Variants in SCAPER observed in about 807,000 individuals in gnomAD.
SCAPER encodes the protein S-phase cyclin A associated protein in the ER, also known as S phase cyclin A-associated protein in the endoplasmic reticulum.
Under a neutral mutation model 182.2 loss-of-function variants are expected in SCAPER, and 98 were observed. The observed-to-expected ratio is 0.54, with a 90% CI of 0.46 to 0.64. SCAPER has a LOEUF of 0.64. Ranked by LOEUF, SCAPER falls within the 30% of genes least tolerant of loss-of-function variation. The pLI is 0.00. For missense variants in SCAPER, 1,432 were observed against 1,690.0 expected, an observed-to-expected ratio of 0.85 and a Z score of 2.68; for synonymous variants, 605 against 564.6, an observed-to-expected ratio of 1.07 and a Z score of -1.01.
intron 3 of SCAPER, among the ~76,000 whole-genome samples, chr15:76,861,407 T>G (rs1398815714): frequency 4.6e-5 from 7 of 152,150 alleles, no homozygotes; most frequent in Admixed American, 2.0e-4. Context: ...TCTATAGAAT[T>G]CCTACTAAAA....
At chr15:76,697,074 G>A (rs2147200842) in intron 20 of SCAPER, among the ~76,000 whole-genome samples, 1 of 152,234 alleles carries the variant, frequency 6.6e-6, no homozygotes, top group Non-Finnish European at 1.5e-5. Flanking sequence ...TATTAGGTCA[G>A]AGGTAATATA....
At chr15:76,822,481 T>C (rs1485997812) in intron 5 of SCAPER, among the ~76,000 whole-genome samples, 1 of 152,240 alleles carries the variant, frequency 6.6e-6, no homozygotes, top group Non-Finnish European at 1.5e-5. Flanking sequence ...AATCATATGA[T>C]GGGTTATCTG....
chr15:76,732,536 G>A (rs1200420557), intron 16 of SCAPER, among the ~76,000 whole-genome samples: 3 of 151,982 alleles, frequency 2.0e-5, no homozygotes, highest in Non-Finnish European at 2.9e-5. Context: ...TAGTGGTAAC[G>A]CCAGCGTCTG....
At chr15:76,576,276 A>G (rs1486455853) in intron 22 of SCAPER, among the ~76,000 whole-genome samples, 1 of 152,174 alleles carries the variant, frequency 6.6e-6, no homozygotes, top group Non-Finnish European at 1.5e-5. Flanking sequence ...AGGTGCGAGG[A>G]CTGCTTAAGC....
chr15:76,468,012 C>CT (rs1428491962), intron 25 of SCAPER, among the ~76,000 whole-genome samples: 1 of 152,114 alleles, frequency 6.6e-6, no homozygotes, highest in Non-Finnish European at 1.5e-5. Context: ...TTCTTTTATG[C>CT]TTTTTTCTAT....
At position 76,711,187 on chromosome 15, in the gene SCAPER, A is replaced by T. The variant is rs551850197; in HGVS notation, c.2166-5203T>A. On this transcript the variant is annotated intron_variant, in intron 17 of 31. Transcript: ENST00000563290. ...TGAAAACCATTGTATATAAAATGAA[A>T]ATTTGATATACTGGACATCATCAAA... Among the ~76,000 whole-genome samples, 52 of 152,310 alleles carry T rather than the reference A, an allele frequency of 3.4e-4. No homozygotes were observed. In the South Asian group the frequency reaches 4.1e-3, roughly 12 times the overall value.
chr15:76,724,720 G>A (rs1287833847), intron 17 of SCAPER, among the ~76,000 whole-genome samples: 1 of 152,038 alleles, frequency 6.6e-6, no homozygotes, highest in African/African-American at 2.4e-5. Flanking sequence ...GATCACATTA[G>A]TTACTGAGTC....
chr15:76,734,241 A>G (rs2061103275), intron 15 of SCAPER, among the ~76,000 whole-genome samples: 3 of 152,234 alleles, frequency 2.0e-5, no homozygotes, highest in Admixed American at 2.0e-4. Context: ...GCTAGAAAGT[A>G]CAGATATTAT....
intron 24 of SCAPER, among the ~76,000 whole-genome samples, chr15:76,473,799 TTTA>T (rs746028176): frequency 3.9e-5 from 6 of 151,970 alleles, no homozygotes; most frequent in Non-Finnish European, 8.8e-5. Context: ...TTTATTTTAC[TTTA>T]TTATTATTAT....
chr15:76,648,961 A>G (rs2054783311), intron 21 of SCAPER, among the ~76,000 whole-genome samples: 2 of 152,188 alleles, frequency 1.3e-5, no homozygotes, highest in Non-Finnish European at 2.9e-5. Flanking sequence ...GCTTCTTCAC[A>G]CTTTGCAAAC....
chr15:76,828,293 C>G (rs1056947087), intron 5 of SCAPER, among the ~76,000 whole-genome samples: 1 of 151,612 alleles, frequency 6.6e-6, no homozygotes, highest in Non-Finnish European at 1.5e-5. Flanking sequence ...AGAAAACAGA[C>G]TGAGACAACC....
chr15:76,637,016 C>T (rs925510403), intron 21 of SCAPER, among the ~76,000 whole-genome samples: 3 of 152,010 alleles, frequency 2.0e-5, no homozygotes, highest in Non-Finnish European at 2.9e-5. Context: ...AAAATTCATA[C>T]ACTATATAAT....
intron 20 of SCAPER, among the ~76,000 whole-genome samples, chr15:76,667,643 A>AAC (rs2056697776): frequency 9.8e-6 from 1 of 102,102 alleles, no homozygotes; most frequent in African/African-American, 4.8e-5. Flanking sequence ...AAAAAAAAAA[A>AAC]AAAAAAAAAA....
intron 15 of SCAPER, among the ~76,000 whole-genome samples, chr15:76,743,583 C>G (rs1366211334): frequency 6.6e-6 from 1 of 151,890 alleles, no homozygotes; most frequent in Admixed American, 6.6e-5. Context: ...TAGGAAAATA[C>G]AGCTAACCAA....
chr15:76,816,917 G>A (rs2067133086), intron 5 of SCAPER, among the ~76,000 whole-genome samples: 1 of 152,160 alleles, frequency 6.6e-6, no homozygotes, highest in Non-Finnish European at 1.5e-5. Context: ...CTCCCAAAGT[G>A]CTGGGATTAC....
intron 27 of SCAPER, among the ~76,000 whole-genome samples, chr15:76,403,030 A>G (rs1484050095): frequency 6.6e-6 from 1 of 152,236 alleles, no homozygotes; most frequent in African/African-American, 2.4e-5. Flanking sequence ...TGGATTCGAG[A>G]AAATACAGGT....
intron 4 of SCAPER, among the ~76,000 whole-genome samples, chr15:76,857,419 TGA>T (rs2071488387): frequency 6.8e-6 from 1 of 147,172 alleles, no homozygotes; most frequent in South Asian, 2.1e-4. Context: ...GGCAACAGGA[TGA>T]GACTGTCTCA....
At position 76,495,993 on chromosome 15, in the gene SCAPER, G is replaced by GACACACAC. The variant is rs971206080; in HGVS notation, c.2954+8858_2954+8865dup. ...AAAGAGAAAGAAAGCAAAAGAGAGA[G>GACACACAC]ACACACACACACACACACACACACA... is the stretch of plus-strand genomic sequence containing the variant. On this transcript the variant is annotated intron_variant, in intron 24 of 31. Coordinates refer to ENST00000563290, the MANE Select transcript of SCAPER (RefSeq NM_020843.4). 3.1e-3 allele frequency among the ~76,000 whole-genome samples: 182 copies of GACACACAC among 58,490 alleles called. 2 individuals are homozygous for GACACACAC. Among genetic ancestry groups the GACACACAC allele is most frequent in the African/African-American group, 7.9e-3 (138 of 17,462 alleles). The allele number at this position is 58,490 out of a possible 152,430, so 38.4% of individuals were successfully genotyped here. A position where few individuals can be genotyped will look rare whatever the true frequency, so the allele number is the denominator to read the frequency against.
chr15:76,654,672 G>A (rs2055469182), intron 21 of SCAPER, among the ~76,000 whole-genome samples: 1 of 152,190 alleles, frequency 6.6e-6, no homozygotes, highest in Non-Finnish European at 1.5e-5. Context: ...GCAGAAATCT[G>A]GAAGTGGTTG....
Sources: allele counts gnomAD v4.1 joint callset (sites outside exome capture counted in the v4.1 genomes callset), GRCh38; gene constraint gnomAD v4.1.1; transcripts MANE v1.5; gene names NCBI Gene and HGNC (gene_info 2026-07-23, HGNC 2026-07-21).